CAPN6: variants seen among roughly 807,000 people sequenced by gnomAD.
The protein encoded by CAPN6 is calpain-6.
In CAPN6, 16 loss-of-function variants were observed where a neutral mutation model predicts 46.0. That is an observed-to-expected ratio of 0.35 (90% CI 0.24 to 0.53). The LOEUF (loss-of-function observed/expected upper bound fraction) is 0.53. Among genes scored for constraint, CAPN6 ranks in the 20% least tolerant of loss-of-function variants. The pLI, the probability that CAPN6 is intolerant of heterozygous loss-of-function variation, is 0.94. For missense variants in CAPN6, 461 were observed against 498.0 expected (o/e 0.93, Z 0.71); for synonymous variants, 206 against 172.8 (o/e 1.19, Z -1.51).
chrX:111,255,347 C>T (rs907301867), intron 2 of CAPN6, among the ~76,000 whole-genome samples: 19 of 111,995 alleles, frequency 1.7e-4, no homozygotes, highest in Admixed American at 9.4e-4. Flanking sequence ...GAGAGGGGTA[C>T]GGTGGCATAA....
intron 2 of CAPN6, among the ~76,000 whole-genome samples, chrX:111,257,127 A>G (rs1042407447): frequency 9.0e-6 from 1 of 111,413 alleles, no homozygotes; most frequent in African/African-American, 3.3e-5. Flanking sequence ...TCAGAACCAC[A>G]TATGGCTAGA....
In CAPN6 at chrX:111,270,389, C is replaced by CCTGCTG. The variant is rs750982720; in HGVS notation, c.-40_-35dup. The stretch of plus-strand genomic sequence containing the variant: ...TACTCACCTGAGTTATCCCAGGAGC[C>CCTGCTG]CTGCTGCTGCTGCTGCTGCTGCTGC... On this transcript the variant is annotated 5_prime_UTR_variant, in exon 1 of 13. Transcript: ENST00000324068. The CCTGCTG allele has an allele frequency of 5.1e-3, 1,689 of 332,705 alleles. 20 individuals are homozygous for CCTGCTG. The highest frequency in any genetic ancestry group is 0.035 in the African/African-American group (1,392 of 39,335). The allele number at this position is 332,705 out of a possible 1,213,427, so 27.4% of individuals were successfully genotyped here.
chrX:111,258,449 C>T (rs909697600), intron 2 of CAPN6, among the ~76,000 whole-genome samples: 11 of 111,679 alleles, frequency 9.8e-5, no homozygotes, highest in African/African-American at 3.6e-4. Context: ...TTGCACAGAA[C>T]TGCTATTCAG....
rs139542058 is a variant in CAPN6, at chrX:111,251,043, G to T, written c.1032C>A (p.Asn344Lys). The change falls in exon 8 of 13, where the codon AAC becomes AAA. Residue 344 changes from asparagine (N) to lysine (K), a missense_variant. By Grantham distance (94) the Asn-to-Lys change is moderately conservative. Coordinates refer to ENST00000324068, the MANE Select transcript of CAPN6 (RefSeq NM_014289.4). Reference protein sequence around the residue: ...FHKLNVCRNVNNPIFGRKELE... With the variant: ...FHKLNVCRNVKNPIFGRKELE... Reference sequence around the variant, plus strand: ...GCTCCTTTCGGCCAAAAATAGGGTTGTTCACATTGCGGCAGACATTCAGTT... The same window carrying T: ...GCTCCTTTCGGCCAAAAATAGGGTTTTTCACATTGCGGCAGACATTCAGTT... The T allele has an allele frequency of 5.4e-5, 65 of 1,209,495 alleles. 1 individual carries two copies. The African/African-American group carries it at 1.0e-3, about 19-fold the overall frequency.
In CAPN6 at chrX:111,251,885, A is replaced by G. The variant is rs746249599; in HGVS notation, c.700-143T>C. The G allele has an allele frequency of 1.7e-5, 8 of 481,653 alleles. No homozygotes were observed. In the African/African-American group the frequency reaches 1.9e-4, roughly 11 times the overall value. The allele number at this position is 481,653 out of a possible 1,213,427, so 39.7% of individuals were successfully genotyped here. A position where few individuals can be genotyped will look rare whatever the true frequency, so the allele number is the denominator to read the frequency against. On this transcript the variant is annotated intron_variant, in intron 5 of 12. Transcript: ENST00000324068. ...ATTTCATCCTGACACCCAACTTGAA[A>G]CAAAAACAGTAGAGGAAAATAAATA...
At chrX:111,256,455 A>G (rs2094983841) in intron 2 of CAPN6, among the ~76,000 whole-genome samples, 1 of 112,493 alleles carries the variant, frequency 8.9e-6, no homozygotes, top group South Asian at 3.7e-4. Context: ...GTTTCCTAAC[A>G]TGGAAAAACA....
intron 1 of CAPN6, among the ~76,000 whole-genome samples, chrX:111,264,458 T>A (rs1400207206): frequency 8.9e-6 from 1 of 111,815 alleles, no homozygotes; most frequent in Admixed American, 9.5e-5. Flanking sequence ...TTTACACAAT[T>A]TCTTCCGTCT....
chrX:111,248,040 T>C, intron 10 of CAPN6, 48 bp from the exon 11 acceptor site: 1 of 1,151,551 alleles, frequency 8.7e-7, no homozygotes, highest in South Asian at 1.9e-5. Flanking sequence ...AAATATCCTT[T>C]GATGAAATAA....
intron 5 of CAPN6, 121 bp from the exon 6 acceptor site, chrX:111,251,863 T>C: frequency 1.8e-6 from 1 of 550,185 alleles, no homozygotes; most frequent in East Asian, 3.3e-5. Context: ...GATGGAAATT[T>C]CATCCTGACA....
At chrX:111,251,464 A>G in intron 6 of CAPN6, 85 bp downstream of exon 6, 1 of 926,138 alleles carries the variant, frequency 1.1e-6, no homozygotes, top group Non-Finnish European at 1.5e-6. Context: ...CTGAGCATTG[A>G]CAGCACACTA....
At chrX:111,249,128 G>A in intron 8 of CAPN6, 71 bp from the exon 9 acceptor site, 1 of 1,093,059 alleles carries the variant, frequency 9.1e-7, no homozygotes, top group Non-Finnish European at 1.2e-6. Flanking sequence ...AAATTTCAGG[G>A]AATAAAGCTT....
At position 111,246,493 on chromosome X, in the gene CAPN6, GA is replaced by G; in HGVS notation, c.*83del. On this transcript the variant is annotated 3_prime_UTR_variant, in exon 13 of 13. Transcript: ENST00000324068. ...TATTGTGAATCTCATTCTTTCTAAA[GA>G]TTGTGAATCTTAACTAAGACCTGGC... 1 of 789,143 alleles carries G rather than the reference GA, an allele frequency of 1.3e-6. No homozygotes were observed. Among genetic ancestry groups the G allele is most frequent in the Admixed American group, 2.7e-5 (1 of 36,895 alleles). The allele number at this position is 789,143 out of a possible 1,213,427, so 65.0% of individuals were successfully genotyped here. A position where few individuals can be genotyped will look rare whatever the true frequency, so the allele number is the denominator to read the frequency against.
intron 8 of CAPN6, 30 bp from the exon 9 acceptor site, chrX:111,249,087 G>A (rs778143802): frequency 8.4e-7 from 1 of 1,196,795 alleles, no homozygotes; most frequent in Non-Finnish European, 1.1e-6. Flanking sequence ...ACAGAGGTGA[G>A]TTAGCATTCC....
rs1040667138 is a variant in CAPN6 at position 111,254,481 on chromosome X, C to T, written c.166-78G>A. 7.8e-6 allele frequency: 6 copies of T among 767,466 alleles called. No individual in the cohort carries two copies. The African/African-American group carries it at 1.2e-4, about 16-fold the overall frequency. The allele number at this position is 767,466 out of a possible 1,213,427, so 63.2% of individuals were successfully genotyped here. A position where few individuals can be genotyped will look rare whatever the true frequency, so the allele number is the denominator to read the frequency against. On this transcript the variant is annotated intron_variant, in intron 2 of 12. Transcript: ENST00000324068. Reference sequence around the variant, plus strand: ...TCACTGTGAGCTGAACTAGGCAGGACAGCCTTCATAGAGGAGATAAGGTTA... The same window carrying T: ...TCACTGTGAGCTGAACTAGGCAGGATAGCCTTCATAGAGGAGATAAGGTTA...
intron 2 of CAPN6, among the ~76,000 whole-genome samples, chrX:111,256,738 A>G (rs1196150111): frequency 9.0e-6 from 1 of 110,871 alleles, no homozygotes; most frequent in African/African-American, 3.3e-5. Flanking sequence ...TTGACCCAAG[A>G]TGGATATGAT....
At position 111,246,746 on chromosome X, in the gene CAPN6, C is replaced by T. The variant is rs193921059; in HGVS notation, c.1757G>A (p.Arg586Gln). 1.9e-5 allele frequency: 23 copies of T among 1,208,931 alleles called. No homozygotes were observed. The highest frequency in any genetic ancestry group is 8.9e-5 in the East Asian group (3 of 33,808). The change falls in exon 13 of 13, where the codon CGA becomes CAA. Residue 586 changes from arginine to glutamine, a missense_variant. Coordinates refer to ENST00000324068, the MANE Select transcript of CAPN6 (RefSeq NM_014289.4). ...IPIIVQVWNS[R>Q]KFCDQFLGQV... ...CCCCAAGAACTGATCACAGAATTTT[C>T]GGCTGTTCCAGACCTGGAAAGACAA...
chrX:111,256,186 G>A (rs2094983602), intron 2 of CAPN6, among the ~76,000 whole-genome samples: 1 of 111,342 alleles, frequency 9.0e-6, no homozygotes, highest in Non-Finnish European at 1.9e-5. Context: ...ATCACCTGAG[G>A]TCAGAAGTTC....
Position 111,252,348 on chromosome X carries a change from T to C in CAPN6, c.658A>G (p.Lys220Glu). The change falls in exon 5 of 13, where the codon AAA becomes GAA. Residue 220 changes from lysine to glutamate, a missense_variant. Lys to Glu is a moderately conservative substitution (Grantham distance 56). Transcript: ENST00000324068. The part of the protein sequence containing the change: ...EKYKLFGELY[K>E]TFTKGGLICC... Reference sequence around the variant, plus strand: ...ATCAGACCACCTTTGGTAAATGTTTTGTACAGTTCTCCGAATAGCTTGTAC... The same window carrying C: ...ATCAGACCACCTTTGGTAAATGTTTCGTACAGTTCTCCGAATAGCTTGTAC... 8.3e-7 allele frequency: 1 copy of C among 1,209,980 alleles called. No individual in the cohort carries two copies.
chrX:111,256,395 G>A (rs1028134942), intron 2 of CAPN6, among the ~76,000 whole-genome samples: 3 of 110,257 alleles, frequency 2.7e-5, no homozygotes, highest in South Asian at 3.9e-4. Context: ...GAGAAACTTC[G>A]TTCCAAAAAA....
Sources: allele counts gnomAD v4.1 joint callset (sites outside exome capture counted in the v4.1 genomes callset), GRCh38; gene constraint gnomAD v4.1.1; transcripts MANE v1.5; gene names NCBI Gene and HGNC (gene_info 2026-07-23, HGNC 2026-07-21).